OSBPL2: variants seen among roughly 807,000 people sequenced by gnomAD.
OSBPL2 encodes oxysterol binding protein like 2.
In OSBPL2, 18 loss-of-function variants were observed where a neutral mutation model predicts 58.4. The ratio of observed to expected loss-of-function variants is 0.31; its 90% confidence interval spans 0.21 to 0.46. The LOEUF (loss-of-function observed/expected upper bound fraction) is 0.46. OSBPL2 is among the 20% of genes least tolerant of loss of function. The pLI is 1.00. For missense variants in OSBPL2, 461 were observed against 616.5 expected (o/e 0.75, Z 2.67); for synonymous variants, 221 against 234.1 (o/e 0.94, Z 0.51).
intron 12 of OSBPL2, 24 bp from the exon 13 acceptor site, chr20:62,291,679 C>T (rs113771708): frequency 5.6e-6 from 9 of 1,609,864 alleles, no homozygotes; most frequent in African/African-American, 4.0e-5. Context: ...TCTGTCTGAC[C>T]TAAACTGTTT....
chr20:62,265,415 T>C (rs1981599527), intron 4 of OSBPL2, among the ~76,000 whole-genome samples: 1 of 152,210 alleles, frequency 6.6e-6, no homozygotes, highest in Non-Finnish European at 1.5e-5. Context: ...CATCCTTTTC[T>C]GAACACTTAT....
intron 1 of OSBPL2, among the ~76,000 whole-genome samples, chr20:62,253,253 G>A (rs1980687365): frequency 6.6e-6 from 1 of 152,236 alleles, no homozygotes; most frequent in Admixed American, 6.5e-5. Context: ...CCTGTTACCT[G>A]GCGACAGTGG....
At position 62,276,065 on chromosome 20, in the gene OSBPL2, C is replaced by T. The variant is rs544746699; in HGVS notation, c.491+2659C>T. Among the ~76,000 whole-genome samples, 32 of 152,188 alleles carry T rather than the reference C, an allele frequency of 2.1e-4. No homozygotes were observed. The South Asian group carries it at 2.5e-3, about 12-fold the overall frequency. ...CTGAGTAGTTGGGATTACAGGTGCACGCCACCAGGCCCGGCTAATTTTCGT... is the reference window on the plus strand; with the variant it reads ...CTGAGTAGTTGGGATTACAGGTGCATGCCACCAGGCCCGGCTAATTTTCGT... On this transcript the variant is annotated intron_variant, in intron 6 of 13. Coordinates refer to ENST00000313733, the MANE Select transcript of OSBPL2 (RefSeq NM_144498.4).
At position 62,294,615 on chromosome 20, in the gene OSBPL2, A is replaced by G. The variant is rs991383913; in HGVS notation, c.*728A>G. 1 of 152,414 alleles carries G rather than the reference A, an allele frequency of 6.6e-6. No homozygotes were observed. The highest frequency in any genetic ancestry group is 1.5e-5 in the Non-Finnish European group (1 of 68,062). The allele number at this position is 152,414 out of a possible 1,614,324, so 9.4% of individuals were successfully genotyped here. ...AGAAGCATCGAGAGCGTGACAGGAAATCCCAAGACTGCTTCCGCCTCAGAG... is the reference window on the plus strand; with the variant it reads ...AGAAGCATCGAGAGCGTGACAGGAAGTCCCAAGACTGCTTCCGCCTCAGAG... On this transcript the variant is annotated 3_prime_UTR_variant, in exon 14 of 14. Transcript: ENST00000313733.
chr20:62,279,900 T>G, intron 7 of OSBPL2: 2 of 1,263,088 alleles, frequency 1.6e-6, no homozygotes, highest in Non-Finnish European at 2.1e-6. Flanking sequence ...CCTGTGCTCA[T>G]GTGGCAGGGG....
chr20:62,261,111 A>C (rs1981271386), intron 3 of OSBPL2, among the ~76,000 whole-genome samples: 1 of 151,958 alleles, frequency 6.6e-6, no homozygotes, highest in South Asian at 2.1e-4. Context: ...AGGTCAGGAG[A>C]TTGAGACCAT....
chr20:62,252,972 A>C (rs1980662460), intron 1 of OSBPL2, among the ~76,000 whole-genome samples: 1 of 152,274 alleles, frequency 6.6e-6, no homozygotes, highest in South Asian at 2.1e-4. Context: ...ACCGGGGATC[A>C]CATCTCAACA....
chr20:62,239,145 C>CCTGT (rs1324067534), intron 1 of OSBPL2: 2 of 152,226 alleles, frequency 1.3e-5, no homozygotes, highest in African/African-American at 4.8e-5. Flanking sequence ...GTCCCGCAGG[C>CCTGT]CTGTGTGCAC....
chr20:62,275,347 C>T (rs1253621573), intron 6 of OSBPL2, among the ~76,000 whole-genome samples: 1 of 151,398 alleles, frequency 6.6e-6, no homozygotes, highest in Non-Finnish European at 1.5e-5. Flanking sequence ...AGTGTTTCAT[C>T]GATTCTAAGA....
In OSBPL2 at chr20:62,252,692, G is replaced by A. The variant is rs550191391; in HGVS notation, c.-128-3365G>A. On this transcript the variant is annotated intron_variant, in intron 1 of 13. Transcript: ENST00000313733. ...TGAGACTGGGTAATTGATAAGGAAAGGTCGTTTAATTAGGTCGCGGTTCTG... is the reference window on the plus strand; with the variant it reads ...TGAGACTGGGTAATTGATAAGGAAAAGTCGTTTAATTAGGTCGCGGTTCTG... 8.5e-5 allele frequency among the ~76,000 whole-genome samples: 13 copies of A among 152,362 alleles called. No individual in the cohort carries two copies. The East Asian group carries it at 2.1e-3, about 25-fold the overall frequency.
intron 2 of OSBPL2, among the ~76,000 whole-genome samples, chr20:62,258,251 A>G (rs1412753162): frequency 1.3e-5 from 2 of 152,250 alleles, no homozygotes; most frequent in Non-Finnish European, 2.9e-5. Flanking sequence ...AAATAATGGA[A>G]GGAAAAAACC....
chr20:62,262,447 A>T (rs999234636), intron 3 of OSBPL2, among the ~76,000 whole-genome samples: 6 of 152,112 alleles, frequency 3.9e-5, no homozygotes, highest in Admixed American at 3.3e-4. Context: ...GGGGGATGCG[A>T]CCTGACCTTC....
At chr20:62,279,566 A>G in intron 7 of OSBPL2, 1 of 558,178 alleles carries the variant, frequency 1.8e-6, no homozygotes, top group Non-Finnish European at 3.2e-6. Flanking sequence ...TTTCGGTCAC[A>G]TCATTCATTG....
At chr20:62,265,446 C>G (rs1009086282) in intron 4 of OSBPL2, among the ~76,000 whole-genome samples, 2 of 152,170 alleles carry the variant, frequency 1.3e-5, no homozygotes, top group Non-Finnish European at 2.9e-5. Flanking sequence ...AAAGAATGCT[C>G]TAGTTCAGCT....
intron 1 of OSBPL2, among the ~76,000 whole-genome samples, chr20:62,248,143 T>C (rs1053303288): frequency 8.8e-5 from 11 of 124,818 alleles, no homozygotes; most frequent in African/African-American, 3.4e-4. Flanking sequence ...TTTTTCTTTT[T>C]TCTTTTCTTT....
Position 62,260,078 on chromosome 20 carries a change from G to T in OSBPL2, c.135G>T (p.Gly45=). 6.2e-7 allele frequency: 1 copy of T among 1,613,956 alleles called. No individual in the cohort carries two copies. The highest frequency in any genetic ancestry group is 8.5e-7 in the Non-Finnish European group (1 of 1,179,866). Residue 45 remains glycine (G), a synonymous_variant, in exon 3 of 14, where the codon GGG becomes GGT. Coordinates refer to ENST00000313733, the MANE Select transcript of OSBPL2 (RefSeq NM_144498.4). ...DLDTSKNNRI[G]KTGERPSQEN... ...ACACCAGCAAAAATAATAGGATTGGGAAAACTGGGGAGAGGCCCTCTCAAG... is the reference window on the plus strand; with the variant it reads ...ACACCAGCAAAAATAATAGGATTGGTAAAACTGGGGAGAGGCCCTCTCAAG...
At chr20:62,290,061 G>A (rs866744348) in intron 12 of OSBPL2, among the ~76,000 whole-genome samples, 2 of 152,208 alleles carry the variant, frequency 1.3e-5, no homozygotes, top group African/African-American at 4.8e-5. Context: ...TCACTGGCAC[G>A]TGTGTGGCGT....
intron 11 of OSBPL2, among the ~76,000 whole-genome samples, chr20:62,287,222 CAAAT>C (rs143181920): frequency 0.43 from 65,324 of 151,770 alleles, 14,072 homozygotes; most frequent in Middle Eastern, 0.47. Flanking sequence ...TGTTTTATGA[CAAAT>C]AAAATATGTG....
Position 62,291,745 on chromosome 20 carries a change from G to T in OSBPL2, c.1292G>T (p.Arg431Ile). Residue 431 changes from arginine to isoleucine, a missense_variant, in exon 13 of 14, where the codon AGA (arginine) becomes ATA (isoleucine). By Grantham distance (97) the Arg-to-Ile change is moderately conservative. Around this residue, in one of 5 missense-constraint regions of OSBPL2, gnomAD observed 319 missense variants for 419.2 expected, o/e 0.76. Coordinates refer to ENST00000313733, the MANE Select transcript of OSBPL2 (RefSeq NM_144498.4). ...QEKERLEEKQ[R>I]EARRERAKEE... is the part of the protein sequence containing the mutation. ...AAGGAGCGGCTGGAGGAGAAGCAGA[G>T]AGAAGCACGGAGGGAGCGGGCCAAG... The T allele has an allele frequency of 6.2e-7, 1 of 1,613,584 alleles. No homozygotes were observed.
Sources: allele counts gnomAD v4.1 joint callset (sites outside exome capture counted in the v4.1 genomes callset), GRCh38; gene constraint gnomAD v4.1.1; regional missense constraint gnomAD v4.1.1; transcripts MANE v1.5; gene names NCBI Gene and HGNC (gene_info 2026-07-23, HGNC 2026-07-21).